Variants in DHX32 observed in about 807,000 individuals in gnomAD.
DHX32 encodes putative pre-mRNA-splicing factor ATP-dependent RNA helicase DHX32.
In DHX32, 51 loss-of-function variants were observed where a neutral mutation model predicts 70.0. The ratio of observed to expected loss-of-function variants is 0.73; its 90% CI spans 0.58 to 0.92. The LOEUF (loss-of-function observed/expected upper bound fraction) is 0.92, where lower values mean the gene tolerates loss of function less well. Among genes scored for constraint, DHX32 ranks in the 40% least tolerant of loss-of-function variants. DHX32 has a pLI of 0.00. For missense variants in DHX32, 762 were observed against 891.8 expected (o/e 0.85, Z 1.85); for synonymous variants, 310 against 315.3 (o/e 0.98, Z 0.18).
intron 6 of DHX32, among the ~76,000 whole-genome samples, chr10:125,845,312 CA>C (rs939730465): frequency 6.6e-6 from 1 of 152,216 alleles, no homozygotes; most frequent in Non-Finnish European, 1.5e-5. Flanking sequence ...TTTGTTATAA[CA>C]ATCTTTGGCC....
chr10:125,838,084 A>T, intron 10 of DHX32, 122 bp downstream of exon 10: 1 of 901,068 alleles, frequency 1.1e-6, no homozygotes, highest in Non-Finnish European at 1.6e-6. Context: ...GGTACTGTCA[A>T]CGTAAATTAA....
At chr10:125,873,390 C>G (rs576329488) in intron 1 of DHX32, among the ~76,000 whole-genome samples, 1 of 152,186 alleles carries the variant, frequency 6.6e-6, no homozygotes, top group African/African-American at 2.4e-5. Context: ...CCAAAGGCCT[C>G]TAATCCCTCA....
At chr10:125,858,937 G>C (rs1944164853) in intron 3 of DHX32, among the ~76,000 whole-genome samples, 1 of 150,806 alleles carries the variant, frequency 6.6e-6, no homozygotes, top group African/African-American at 2.4e-5. Flanking sequence ...CTGTCTAAAA[G>C]CAGTAACAGA....
chr10:125,859,268 G>A (rs957477249), intron 3 of DHX32, among the ~76,000 whole-genome samples: 3 of 152,000 alleles, frequency 2.0e-5, no homozygotes, highest in East Asian at 3.9e-4. Flanking sequence ...CAGGGGAGTC[G>A]GCATGCACCT....
exon 1 of DHX32, chr10:125,896,370 G>C: frequency 2.5e-6 from 1 of 403,284 alleles, no homozygotes; most frequent in Non-Finnish European, 4.1e-6. Context: ...GGCCGCGGGG[G>C]CCGCCAGGGA....
At chr10:125,871,533 T>A (rs533275597) in intron 1 of DHX32, among the ~76,000 whole-genome samples, 8 of 152,256 alleles carry the variant, frequency 5.3e-5, no homozygotes, top group East Asian at 3.9e-4. Flanking sequence ...CAGTAAGCAA[T>A]GCAAACACAA....
chr10:125,885,977 T>C (rs945863135), upstream of DHX32, among the ~76,000 whole-genome samples: 9 of 152,196 alleles, frequency 5.9e-5, no homozygotes, highest in Non-Finnish European at 1.5e-5. Context: ...TCCCATCTCA[T>C]CTCACTCTGA....
chr10:125,846,512 T>C (rs1214075544), intron 6 of DHX32, among the ~76,000 whole-genome samples: 2 of 152,252 alleles, frequency 1.3e-5, no homozygotes, highest in Non-Finnish European at 2.9e-5. Flanking sequence ...CTATTGGCAC[T>C]GGCAAGGCTC....
At chr10:125,838,555 T>A (rs1383963481) in intron 9 of DHX32, among the ~76,000 whole-genome samples, 168 bp from the exon 10 acceptor site, 1 of 152,210 alleles carries the variant, frequency 6.6e-6, no homozygotes, top group Non-Finnish European at 1.5e-5. Context: ...CATAAGCATG[T>A]TTTGCCTAAA....
At chr10:125,876,279 A>T (rs1200366847) in intron 1 of DHX32, among the ~76,000 whole-genome samples, 1 of 152,220 alleles carries the variant, frequency 6.6e-6, no homozygotes, top group Admixed American at 6.5e-5. Flanking sequence ...GTAATAGTAC[A>T]ACTCCTGTCT....
At chr10:125,877,590 G>C (rs978994614) in intron 1 of DHX32, among the ~76,000 whole-genome samples, 1 of 152,142 alleles carries the variant, frequency 6.6e-6, no homozygotes, top group African/African-American at 2.4e-5. Flanking sequence ...AAGAGGCTGA[G>C]GCACAAGAAT....
At chr10:125,895,640 T>C (rs1944467381) in intron 1 of DHX32, among the ~76,000 whole-genome samples, 1 of 152,298 alleles carries the variant, frequency 6.6e-6, no homozygotes, top group Non-Finnish European at 1.5e-5. Context: ...TGTGGGATAA[T>C]GTTACATTGT....
chr10:125,846,636 A>C (rs772335565), intron 6 of DHX32, among the ~76,000 whole-genome samples: 1 of 152,158 alleles, frequency 6.6e-6, no homozygotes, highest in Non-Finnish European at 1.5e-5. Flanking sequence ...CTGGAAATGC[A>C]CTTTTACCTC....
intron 1 of DHX32, among the ~76,000 whole-genome samples, chr10:125,888,202 A>AT (rs36204414): frequency 0.041 from 5,405 of 132,836 alleles, 105 homozygotes; most frequent in Middle Eastern, 0.068. Context: ...TGAGCAATGC[A>AT]TTTTTTTTTT....
intron 1 of DHX32, among the ~76,000 whole-genome samples, chr10:125,894,547 A>G (rs4087674): frequency 6.8e-6 from 1 of 147,354 alleles, no homozygotes; most frequent in Non-Finnish European, 1.5e-5. Flanking sequence ...AAGTCAACTT[A>G]ACAGCTGCTG....
chr10:125,845,514 T>A (rs1010699269), intron 6 of DHX32, among the ~76,000 whole-genome samples: 2 of 152,212 alleles, frequency 1.3e-5, no homozygotes, highest in Non-Finnish European at 2.9e-5. Context: ...AAAGTGGACA[T>A]GTATTTTCAC....
At chr10:125,880,512 C>G in intron 1 of DHX32, 31 bp downstream of exon 1, 2 of 1,546,128 alleles carry the variant, frequency 1.3e-6, no homozygotes, top group Non-Finnish European at 8.7e-7. Flanking sequence ...TCAACACATA[C>G]AGCAAATTAT....
intron 1 of DHX32, among the ~76,000 whole-genome samples, chr10:125,879,492 T>C (rs1944304828): frequency 6.6e-6 from 1 of 152,186 alleles, no homozygotes; most frequent in South Asian, 2.1e-4. Context: ...AACTCGGAAC[T>C]TTCCACTCTA....
chr10:125,849,332 G>A (rs758876022), intron 6 of DHX32, among the ~76,000 whole-genome samples: 8 of 152,148 alleles, frequency 5.3e-5, no homozygotes, highest in Non-Finnish European at 1.0e-4. Context: ...AGGGCTTCAG[G>A]AGCCAAAAGT....
Sources: gnomAD v4.1 joint callset for allele counts (sites outside exome capture counted in the v4.1 genomes callset) on GRCh38, gnomAD v4.1.1 for gene constraint, MANE v1.5 for transcripts, NCBI Gene and HGNC (gene_info 2026-07-23, HGNC 2026-07-21) for gene names.